ATG2B: variants seen among roughly 807,000 people sequenced by gnomAD.
The protein encoded by ATG2B is autophagy-related protein 2 homolog B.
ATG2B carries 121 observed loss-of-function variants against 241.3 expected under a neutral mutation model. That is an observed-to-expected ratio of 0.50 (90% CI 0.43 to 0.58). The LOEUF (loss-of-function observed/expected upper bound fraction) is 0.58. Ranked by LOEUF, ATG2B falls within the 20% of genes least tolerant of loss-of-function variation. ATG2B has a pLI of 0.00. For missense variants in ATG2B, 2,306 were observed against 2,491.6 expected (o/e 0.93, Z 1.59); for synonymous variants, 858 against 876.6 (o/e 0.98, Z 0.37).
rs1022645955 is a variant in ATG2B at position 96,313,340 on chromosome 14, T to C, written c.3738A>G (p.Ala1246=). 6.3e-7 allele frequency: 1 copy of C among 1,583,302 alleles called. No individual in the cohort carries two copies. The highest frequency in any genetic ancestry group is 1.4e-5 in the African/African-American group (1 of 73,054). The part of the protein sequence containing the change: ...TTFHVHLWSC[A]LDYRPLYLPI... ...ATTTGTGAACTTACCTATAATCAAGTGCACAGCTCCAAAGATGAACATGAA... is the reference window on the plus strand; with the variant it reads ...ATTTGTGAACTTACCTATAATCAAGCGCACAGCTCCAAAGATGAACATGAA... Residue 1246 remains alanine (A), a synonymous_variant, in exon 24 of 42, where the codon GCA becomes GCG. Transcript: ENST00000359933.
intron 28 of ATG2B, among the ~76,000 whole-genome samples, chr14:96,310,330 C>T (rs1190217020): frequency 1.3e-5 from 2 of 152,070 alleles, no homozygotes; most frequent in Non-Finnish European, 2.9e-5. Context: ...TAATCCTGAA[C>T]AAAAGACAAC....
intron 30 of ATG2B, among the ~76,000 whole-genome samples, chr14:96,306,239 G>C (rs561178863): frequency 6.6e-6 from 1 of 152,110 alleles, no homozygotes; most frequent in Non-Finnish European, 1.5e-5. Context: ...TAACCAGAAG[G>C]TTCTCAGAAC....
rs1296476817 is a variant in ATG2B, at chr14:96,283,846, A to C, written c.*1909T>G. 6.6e-6 allele frequency: 1 copy of C among 152,228 alleles called. No homozygotes were observed. The highest frequency in any genetic ancestry group is 1.5e-5 in the Non-Finnish European group (1 of 68,032). 9.4% of individuals were successfully genotyped at this position (152,228 alleles called of 1,614,324 possible). A position where few individuals can be genotyped will look rare whatever the true frequency, so the allele number is the denominator to read the frequency against. On this transcript the variant is annotated 3_prime_UTR_variant, in exon 42 of 42. Coordinates refer to ENST00000359933, the MANE Select transcript of ATG2B (RefSeq NM_018036.7). ...TTCCCAAAATGATTACATCGACAAC[A>C]GGTGCAGGAGGGTAGAACAAAGAAA...
chr14:96,302,254 G>A (rs1886813339), intron 33 of ATG2B, 146 bp from the exon 34 acceptor site: 1 of 603,224 alleles, frequency 1.7e-6, no homozygotes, highest in South Asian at 2.2e-5. Context: ...TTAAAAGTCT[G>A]AATCAAACAT....
At chr14:96,291,454 TA>T in intron 38 of ATG2B, 145 bp downstream of exon 38, 1 of 507,758 alleles carries the variant, frequency 2.0e-6, no homozygotes, top group Non-Finnish European at 3.5e-6. Flanking sequence ...AATCAGTGCC[TA>T]AATCTTAAGA....
intron 30 of ATG2B, 142 bp from the exon 31 acceptor site, chr14:96,305,957 T>C (rs1345042681): frequency 6.1e-6 from 4 of 650,946 alleles, no homozygotes; most frequent in Non-Finnish European, 7.8e-6. Context: ...TTACCGACAT[T>C]AGTCACCACA....
rs1886589462 is a variant in ATG2B at position 96,294,971 on chromosome 14, A to T, written c.5415T>A (p.Pro1805=). 1 of 1,613,678 alleles carries T rather than the reference A, an allele frequency of 6.2e-7. No individual in the cohort carries two copies. Residue 1805 remains proline, a synonymous_variant, in exon 36 of 42, where the codon CCT becomes CCA. Transcript: ENST00000359933. Reference sequence around the variant, plus strand: ...ACTAAATTAGTTACCTAAAAAACACAGGCTGATCCCTAAAAGATGCTTCTT... The same window carrying T: ...ACTAAATTAGTTACCTAAAAAACACTGGCTGATCCCTAAAAGATGCTTCTT... ...SAEEASFRDQ[P]VFFREFRFTS...
In ATG2B at chr14:96,289,784, C is replaced by A. The variant is rs1886434886; in HGVS notation, c.5878G>T (p.Asp1960Tyr). ...GAAAGGGTACCAGGAGACACCATAT[C>A]ATAAGCAGTCTCTGCAGCTGCCTGG... Reference protein sequence around the residue: ...TIQAAAETAYDMVSPGTLSIE... With the variant: ...TIQAAAETAYYMVSPGTLSIE... The change falls in exon 41 of 42, where the codon GAT becomes TAT. Residue 1960 changes from aspartate to tyrosine, a missense_variant. Around this residue, in one of 2 missense-constraint regions of ATG2B, gnomAD observed 379 missense variants for 480.4 expected, o/e 0.79. Coordinates refer to ENST00000359933, the MANE Select transcript of ATG2B (RefSeq NM_018036.7). This position sits in a 1 kb window ranked among gnomAD's most constrained non-coding sequence, Gnocchi z 4.3. The A allele has an allele frequency of 1.9e-6, 3 of 1,614,114 alleles. No homozygotes were observed. The highest frequency in any genetic ancestry group is 2.5e-6 in the Non-Finnish European group (3 of 1,179,980).
intron 1 of ATG2B, among the ~76,000 whole-genome samples, chr14:96,349,921 G>A (rs1025183726): frequency 2.0e-5 from 3 of 152,146 alleles, no homozygotes; most frequent in African/African-American, 7.2e-5. Flanking sequence ...ACACTGGGAA[G>A]CCAAGGCGGG....
intron 6 of ATG2B, among the ~76,000 whole-genome samples, chr14:96,335,022 A>G (rs1253159745): frequency 6.6e-6 from 1 of 152,190 alleles, no homozygotes; most frequent in African/African-American, 2.4e-5. Context: ...CTCTGCATGC[A>G]AGGGGACGCC....
intron 1 of ATG2B, 24 bp downstream of exon 1, chr14:96,362,791 C>T (rs779064171): frequency 4.4e-6 from 7 of 1,583,884 alleles, no homozygotes; most frequent in Non-Finnish European, 6.0e-6. Context: ...GAGCCCCGCC[C>T]GGCTCGCCGC....
At chr14:96,352,361 T>C (rs1056301294) in intron 1 of ATG2B, among the ~76,000 whole-genome samples, 6 of 152,168 alleles carry the variant, frequency 3.9e-5, no homozygotes, top group African/African-American at 1.2e-4. Flanking sequence ...TAATCATTAT[T>C]TTAGAGTATA....
At chr14:96,324,045 T>A in intron 15 of ATG2B, 47 bp from the exon 16 acceptor site, 1 of 1,283,970 alleles carries the variant, frequency 7.8e-7, no homozygotes, top group Non-Finnish European at 1.1e-6. Context: ...TCTCAAGTAC[T>A]AAAAGAAGAG....
chr14:96,339,304 G>GTGTA (rs1232569645), intron 6 of ATG2B, among the ~76,000 whole-genome samples: 1 of 137,738 alleles, frequency 7.3e-6, no homozygotes, highest in East Asian at 2.0e-4. Flanking sequence ...GTGTGTGTGT[G>GTGTA]TATACATATA....
At chr14:96,344,814 T>G (rs1888129901) in intron 3 of ATG2B, 58 bp from the exon 4 acceptor site, 2 of 704,462 alleles carry the variant, frequency 2.8e-6, no homozygotes, top group Non-Finnish European at 4.5e-6. Flanking sequence ...AATAAAAACC[T>G]CCAAAGAAAT....
intron 34 of ATG2B, among the ~76,000 whole-genome samples, chr14:96,301,395 G>A (rs923944051): frequency 9.2e-5 from 14 of 152,244 alleles, no homozygotes; most frequent in Admixed American, 3.9e-4. Context: ...CCTTGGCTGC[G>A]CATCCTATTT....
At chr14:96,314,464 T>C (rs1403464863) in intron 23 of ATG2B, among the ~76,000 whole-genome samples, 4 of 152,224 alleles carry the variant, frequency 2.6e-5, no homozygotes, top group African/African-American at 9.6e-5. Context: ...TAGGGAATTA[T>C]ATGGAAATAT....
At chr14:96,320,658 T>C (rs964986924) in intron 18 of ATG2B, among the ~76,000 whole-genome samples, 1 of 152,174 alleles carries the variant, frequency 6.6e-6, no homozygotes, top group Admixed American at 6.5e-5. Flanking sequence ...ATGTTTAAGG[T>C]ATGTATTACT....
intron 41 of ATG2B, among the ~76,000 whole-genome samples, chr14:96,286,939 G>C (rs903740417): frequency 6.6e-6 from 1 of 151,948 alleles, no homozygotes; most frequent in Non-Finnish European, 1.5e-5. Context: ...TGGCAAAAAC[G>C]TAATACCACA....
Sources: gnomAD v4.1 joint callset for allele counts (sites outside exome capture counted in the v4.1 genomes callset) on GRCh38, gnomAD v4.1.1 for gene constraint, gnomAD v4.1.1 regional missense constraint, Gnocchi (gnomAD v3.1) non-coding constraint, MANE v1.5 for transcripts, NCBI Gene and HGNC (gene_info 2026-07-23, HGNC 2026-07-21) for gene names.